Variants in DSE observed in about 807,000 individuals in gnomAD.
DSE encodes the protein dermatan sulfate epimerase.
In DSE, 36 loss-of-function variants were observed where a neutral mutation model predicts 84.4. That is an observed-to-expected ratio of 0.43 (90% CI 0.33 to 0.56). The LOEUF (loss-of-function observed/expected upper bound fraction) is 0.56, where lower values mean the gene tolerates loss of function less well. Ranked by LOEUF, DSE falls within the 20% of genes least tolerant of loss-of-function variation. The pLI is 0.06. For missense variants in DSE, 862 were observed against 1,169.6 expected (o/e 0.74, Z 3.84); for synonymous variants, 410 against 430.1 (o/e 0.95, Z 0.58).
chr6:116,279,857 G>A lies in DSE; in HGVS notation c.-54+20890G>A, dbSNP rs766823219. On this transcript the variant is annotated intron_variant, in intron 2 of 3. Coordinates refer to the DSE transcript ENST00000430252. ...TTGCTAACAGTCGGACCAACCGCAG[G>A]CGAACGCCCGTTTTCCTCAGAGGCC... 3.7e-6 allele frequency: 6 copies of A among 1,613,010 alleles called. No individual in the cohort carries two copies. The East Asian group carries it at 1.1e-4, about 30-fold the overall frequency.
chr6:116,362,826 A>G (rs763778892), intron 2 of DSE, among the ~76,000 whole-genome samples: 1 of 152,168 alleles, frequency 6.6e-6, no homozygotes, highest in Non-Finnish European at 1.5e-5. Flanking sequence ...TATTTTCCCA[A>G]AGTTTCCTGG....
At chr6:116,263,834 A>T (rs1772510365) in intron 2 of DSE, among the ~76,000 whole-genome samples, 1 of 152,150 alleles carries the variant, frequency 6.6e-6, no homozygotes, top group South Asian at 2.1e-4. Context: ...TCTGAAAAGG[A>T]TCTTATTTAT....
rs527710562 is a variant in DSE, at chr6:116,439,117, T to C, written c.*1772T>C. The C allele has an allele frequency of 1.3e-5, 2 of 152,278 alleles. No homozygotes were observed. 9.4% of individuals were successfully genotyped at this position (152,278 alleles called of 1,614,324 possible). A position where few individuals can be genotyped will look rare whatever the true frequency, so the allele number is the denominator to read the frequency against. On this transcript the variant is annotated 3_prime_UTR_variant, in exon 6 of 6. Coordinates refer to ENST00000644252, the MANE Select transcript of DSE (RefSeq NM_013352.4). ...TACTTAACCTCACTCAACATTCCTCTCTTTTACTCTTTCTCACTCAAAAGG... is the reference window on the plus strand; with the variant it reads ...TACTTAACCTCACTCAACATTCCTCCCTTTTACTCTTTCTCACTCAAAAGG...
chr6:116,372,849 C>T (rs986153502), intron 1 of DSE, among the ~76,000 whole-genome samples: 1 of 152,162 alleles, frequency 6.6e-6, no homozygotes, highest in Admixed American at 6.5e-5. Context: ...AGCCTTAGCT[C>T]TCTTGGAGCT....
intron 2 of DSE, among the ~76,000 whole-genome samples, chr6:116,306,036 G>A (rs955222455): frequency 6.6e-6 from 1 of 152,210 alleles, no homozygotes; most frequent in Non-Finnish European, 1.5e-5. Flanking sequence ...AGAAAAAAAT[G>A]TATGTATGTA....
intron 2 of DSE, among the ~76,000 whole-genome samples, chr6:116,344,463 C>G (rs891314914): frequency 9.8e-5 from 15 of 152,322 alleles, no homozygotes; most frequent in Middle Eastern, 3.4e-3. Flanking sequence ...AGCCAGAAGA[C>G]AGTGGGGGCC....
intron 2 of DSE, chr6:116,278,266 A>C (rs975493803): frequency 2.0e-5 from 10 of 502,736 alleles, no homozygotes; most frequent in Non-Finnish European, 3.3e-5. Context: ...TTGGCTTACA[A>C]GTAGTGTGAA....
At chr6:116,411,382 G>T (rs1782343798) in intron 2 of DSE, among the ~76,000 whole-genome samples, 1 of 152,210 alleles carries the variant, frequency 6.6e-6, no homozygotes, top group African/African-American at 2.4e-5. Flanking sequence ...GCAGCCACGT[G>T]GGTGTCCTCA....
intron 2 of DSE, among the ~76,000 whole-genome samples, chr6:116,310,618 G>A (rs1775638252): frequency 6.6e-6 from 1 of 151,818 alleles, no homozygotes; most frequent in Non-Finnish European, 1.5e-5. Context: ...TCTATGTTCA[G>A]TCTACCAACA....
intron 2 of DSE, among the ~76,000 whole-genome samples, chr6:116,300,068 A>G (rs200358325): frequency 5.1e-4 from 78 of 152,312 alleles, no homozygotes; most frequent in African/African-American, 1.8e-3. Context: ...AAAACTGTCA[A>G]CTTTTCTTAG....
intron 1 of DSE, among the ~76,000 whole-genome samples, chr6:116,372,117 A>G (rs1042177068): frequency 5.3e-5 from 8 of 152,324 alleles, no homozygotes; most frequent in Non-Finnish European, 1.2e-4. Context: ...ACTTATACAT[A>G]TTTTTAGTAT....
At chr6:116,420,895 G>A (rs1783030993) in intron 2 of DSE, among the ~76,000 whole-genome samples, 1 of 152,078 alleles carries the variant, frequency 6.6e-6, no homozygotes, top group African/African-American at 2.4e-5. Context: ...CACCTTTTTA[G>A]TGATACAGAC....
At chr6:116,337,338 A>G (rs945861786) in intron 2 of DSE, among the ~76,000 whole-genome samples, 6 of 152,218 alleles carry the variant, frequency 3.9e-5, no homozygotes, top group African/African-American at 9.6e-5. Context: ...ATAGCTGGGC[A>G]TGGTGGCTCA....
At chr6:116,423,618 C>T (rs1177444006) in intron 2 of DSE, among the ~76,000 whole-genome samples, 1 of 152,072 alleles carries the variant, frequency 6.6e-6, no homozygotes, top group Non-Finnish European at 1.5e-5. Context: ...CCCACTTCAC[C>T]ACCATTCACA....
intron 2 of DSE, among the ~76,000 whole-genome samples, chr6:116,346,806 A>T (rs1778005973): frequency 6.6e-6 from 1 of 152,220 alleles, no homozygotes; most frequent in Non-Finnish European, 1.5e-5. Flanking sequence ...AGGGTATTGG[A>T]TTAGGAAAAG....
intron 2 of DSE, chr6:116,277,811 A>G: frequency 6.7e-6 from 1 of 148,494 alleles, no homozygotes; most frequent in Non-Finnish European, 1.5e-5. Context: ...CTGAGGCAGG[A>G]GAATCGCTTG....
At position 116,435,479 on chromosome 6, in the gene DSE, T is replaced by G. The variant is rs983175546; in HGVS notation, c.1119-108T>G. The G allele has an allele frequency of 2.7e-6, 3 of 1,122,230 alleles. No homozygotes were observed. In the African/African-American group the frequency reaches 4.7e-5, roughly 18 times the overall value. 69.5% of individuals were successfully genotyped at this position (1,122,230 alleles called of 1,614,324 possible). A position where few individuals can be genotyped will look rare whatever the true frequency, so the allele number is the denominator to read the frequency against. ...GAATTGTCCCTAATATACTCTGCAC[T>G]GCCAGTGCTCTGGGTAGCATTTGTG... On this transcript the variant is annotated intron_variant, in intron 5 of 5. Transcript: ENST00000644252.
At chr6:116,323,670 T>C (rs1328997769) in intron 2 of DSE, among the ~76,000 whole-genome samples, 1 of 152,216 alleles carries the variant, frequency 6.6e-6, no homozygotes, top group East Asian at 1.9e-4. Flanking sequence ...TTAAATATTC[T>C]GAAGAAAGTT....
chr6:116,382,742 TA>T (rs1780319069), intron 1 of DSE, among the ~76,000 whole-genome samples: 1 of 152,086 alleles, frequency 6.6e-6, no homozygotes, highest in Non-Finnish European at 1.5e-5. Context: ...TTGGAGATGA[TA>T]AGTGAGTAGG....
Sources: allele counts gnomAD v4.1 joint callset (sites outside exome capture counted in the v4.1 genomes callset), GRCh38; gene constraint gnomAD v4.1.1; transcripts MANE v1.5; gene names NCBI Gene and HGNC (gene_info 2026-07-23, HGNC 2026-07-21).